The following C4orf50 variants were observed in gnomAD, a reference collection of about 807,000 sequenced individuals.
C4orf50 encodes uncharacterized protein C4orf50.
A neutral mutation model predicts 77.2 loss-of-function variants in C4orf50; 80 were observed. The observed-to-expected ratio is 1.04, with a 90% CI of 0.87 to 1.25. The LOEUF is 1.25. C4orf50 is among the 50% of genes most tolerant of loss of function. The pLI is 0.00. For synonymous variants in C4orf50, 532 were observed against 465.3 expected, an observed-to-expected ratio of 1.14 and a Z score of -1.84; for missense variants, 1,257 against 1,152.9, an observed-to-expected ratio of 1.09 and a Z score of -1.31.
chr4:5,911,690 C>T lies in C4orf50; in HGVS notation c.*2475-13502G>A, dbSNP rs139674972. On this transcript the variant is annotated intron_variant, in intron 7 of 7. Transcript: ENST00000324058. ...CCTGGTGGGGAACAGAAATAGAGAA[C>T]CACAGTGGTGAGCTAGCAAATGTTT... 2.3e-3 allele frequency among the ~76,000 whole-genome samples: 353 copies of T among 152,304 alleles called. 2 individuals carry two copies. The highest frequency in any genetic ancestry group is 8.2e-3 in the African/African-American group (340 of 41,570).
chr4:5,986,991 G>A (rs1226201489), intron 28 of C4orf50, among the ~76,000 whole-genome samples: 1 of 152,164 alleles, frequency 6.6e-6, no homozygotes, highest in African/African-American at 2.4e-5. Flanking sequence ...GGGATGCTTA[G>A]AGAGAAATTT....
chr4:5,923,148 A>G (rs1450368477), intron 7 of C4orf50: 1 of 154,210 alleles, frequency 6.5e-6, no homozygotes, highest in African/African-American at 2.4e-5. Context: ...AATTAACTTA[A>G]TTATCTCAGC....
intron 30 of C4orf50, among the ~76,000 whole-genome samples, chr4:5,974,828 G>A (rs1278956023): frequency 7.3e-6 from 1 of 137,600 alleles, no homozygotes; most frequent in Non-Finnish European, 1.7e-5. Flanking sequence ...GATACGTGGA[G>A]AAAACCTTTC....
At chr4:5,978,879 T>C (rs1434117102) in intron 29 of C4orf50, among the ~76,000 whole-genome samples, 4 of 152,230 alleles carry the variant, frequency 2.6e-5, no homozygotes, top group Non-Finnish European at 5.9e-5. Context: ...CACAGTCAAA[T>C]AATCATATGT....
chr4:5,928,172 G>A (rs1717600964), intron 7 of C4orf50, among the ~76,000 whole-genome samples: 1 of 152,106 alleles, frequency 6.6e-6, no homozygotes, highest in Non-Finnish European at 1.5e-5. Flanking sequence ...AGCTCATTAA[G>A]GCAAAAATAA....
chr4:6,014,822 C>A (rs1425422586), intron 23 of C4orf50, among the ~76,000 whole-genome samples: 1 of 152,174 alleles, frequency 6.6e-6, no homozygotes, highest in Non-Finnish European at 1.5e-5. Flanking sequence ...CTCCCCTGAC[C>A]CCTCTTCTGC....
intron 31 of C4orf50, among the ~76,000 whole-genome samples, chr4:5,969,815 C>CCA: frequency 6.6e-6 from 1 of 152,192 alleles, no homozygotes; most frequent in Non-Finnish European, 1.5e-5. Context: ...ATGTCATCAT[C>CCA]TGCAGGTGAA....
At chr4:5,927,387 A>G (rs1444745272) in intron 7 of C4orf50, among the ~76,000 whole-genome samples, 1 of 151,690 alleles carries the variant, frequency 6.6e-6, no homozygotes, top group Admixed American at 6.6e-5. Context: ...CCCTGCCTGG[A>G]GCTTACTCTC....
chr4:5,912,256 C>A (rs562539481), intron 7 of C4orf50, among the ~76,000 whole-genome samples: 6 of 146,426 alleles, frequency 4.1e-5, no homozygotes, highest in African/African-American at 1.5e-4. Context: ...GCACTCCACT[C>A]GTGTGTGTGT....
intron 27 of C4orf50, 136 bp from the exon 6 acceptor site, chr4:5,990,960 A>G (rs933936770): frequency 1.0e-5 from 4 of 397,614 alleles, no homozygotes; most frequent in African/African-American, 8.2e-5. Flanking sequence ...CACACAGGAC[A>G]CAGCTGGTAC....
Position 5,966,906 on chromosome 4 carries a change from C to G in C4orf50, c.4153+508G>C, listed in dbSNP as rs560816704. ...CTCGTGATCCGCCTGCCTCGGCCCC[C>G]CAAAGTGCTGGGATTACAGGCGTGA... On this transcript the variant is annotated intron_variant, in intron 32 of 33. Transcript: ENST00000531445. Among the ~76,000 whole-genome samples, 9 of 152,278 alleles carry G rather than the reference C, an allele frequency of 5.9e-5. No individual in the cohort carries two copies. In the South Asian group the frequency reaches 1.0e-3, roughly 18 times the overall value.
chr4:5,932,417 C>A lies in C4orf50; in HGVS notation c.*2474+24484G>T, dbSNP rs993842109. ...CCTGAGGTGACCAGGTGATCATCTA[C>A]CTGGAGAAGGAAGGCATCAGACTGT... On this transcript the variant is annotated intron_variant, in intron 7 of 7. Transcript: ENST00000324058. The surrounding 1 kb of genome is among the most constrained non-coding windows in gnomAD (Gnocchi z 4.2). Among the ~76,000 whole-genome samples the A allele has an allele frequency of 6.6e-6, 1 of 152,090 alleles. No homozygotes were observed. The highest frequency in any genetic ancestry group is 2.4e-5 in the African/African-American group (1 of 41,412).
chr4:6,000,979 A>T lies in C4orf50; in HGVS notation c.964-6503T>A, dbSNP rs1721805608. On this transcript the variant is annotated intron_variant, in intron 25 of 33. Coordinates refer to ENST00000531445, the Ensembl canonical transcript of C4orf50. The surrounding 1 kb of genome is among the most constrained non-coding windows in gnomAD (Gnocchi z 6.0). ...CCATCGGTAAGTGGCAGGAGAGCCC[A>T]CCTCCACCGGAAGTTAGAGCAAGTG... is the stretch of plus-strand genomic sequence containing the variant. Among the ~76,000 whole-genome samples, 1 of 152,244 alleles carries T rather than the reference A, an allele frequency of 6.6e-6. No individual in the cohort carries two copies. The highest frequency in any genetic ancestry group is 6.5e-5 in the Admixed American group (1 of 15,284).
At chr4:5,986,293 C>G (rs951571783) in intron 28 of C4orf50, among the ~76,000 whole-genome samples, 1 of 152,136 alleles carries the variant, frequency 6.6e-6, no homozygotes, top group Non-Finnish European at 1.5e-5. Flanking sequence ...AAATAATATA[C>G]TGTATATTTT....
chr4:6,007,944 G>T lies in C4orf50; in HGVS notation c.963+52C>A. 1 of 399,224 alleles carries T rather than the reference G, an allele frequency of 2.5e-6. No individual in the cohort carries two copies. Among genetic ancestry groups the T allele is most frequent in the South Asian group, 1.3e-4 (1 of 7,806 alleles). The allele number at this position is 399,224 out of a possible 1,614,324, so 24.7% of individuals were successfully genotyped here. On this transcript the variant is annotated intron_variant, in intron 25 of 33. Transcript: ENST00000531445. This position sits in a 1 kb window ranked among gnomAD's most constrained non-coding sequence, Gnocchi z 4.1. ...CCAATGACTTCACCAAGTGGCTGGA[G>T]GAGAAGGAGAAAGGCAAAAGATCAT...
At chr4:5,943,954 C>T (rs1718376537) in intron 7 of C4orf50, among the ~76,000 whole-genome samples, 2 of 152,168 alleles carry the variant, frequency 1.3e-5, no homozygotes, top group Admixed American at 1.3e-4. Flanking sequence ...GGCCAAAGGT[C>T]TCCCTCAAGC....
chr4:6,003,998 GGTGATGGTGATGAT>G (rs1722017904), intron 25 of C4orf50, among the ~76,000 whole-genome samples: 1 of 149,228 alleles, frequency 6.7e-6, no homozygotes, highest in Non-Finnish European at 1.5e-5. Flanking sequence ...TGGTGATGAT[GGTGATGGTGATGAT>G]GTGATGGTGA....
In C4orf50 at chr4:6,017,835, A is replaced by G. The variant is rs1302728385; in HGVS notation, c.287+310T>C. Among the ~76,000 whole-genome samples, 2 of 152,198 alleles carry G rather than the reference A, an allele frequency of 1.3e-5. No homozygotes were observed. ...TGAACATAGGGCCCTTTCATGGAAC[A>G]GTCACCCAGAGAAGAAGAGAGGGAG... On this transcript the variant is annotated intron_variant, in intron 23 of 33. Transcript: ENST00000531445. This position sits in a 1 kb window ranked among gnomAD's most constrained non-coding sequence, Gnocchi z 4.7.
chr4:5,936,424 T>A (rs1246764080), intron 7 of C4orf50, among the ~76,000 whole-genome samples: 1 of 151,686 alleles, frequency 6.6e-6, no homozygotes, highest in African/African-American at 2.4e-5. Flanking sequence ...TATCCAGTCG[T>A]GGTGGCGGGC....
Sources: allele counts gnomAD v4.1 joint callset (sites outside exome capture counted in the v4.1 genomes callset), GRCh38; gene constraint gnomAD v4.1.1; non-coding constraint Gnocchi (gnomAD v3.1); transcripts MANE v1.5; gene names NCBI Gene and HGNC (gene_info 2026-07-23, HGNC 2026-07-21).